ZNF385D: variants seen among roughly 807,000 people sequenced by gnomAD.
The protein encoded by ZNF385D is zinc finger protein 659.
ZNF385D carries 15 observed loss-of-function variants against 35.8 expected under a neutral mutation model. The observed-to-expected ratio is 0.42, with a 90% confidence interval of 0.28 to 0.64. The LOEUF (loss-of-function observed/expected upper bound fraction) is 0.64, where lower values mean the gene tolerates loss of function less well. Ranked by LOEUF, ZNF385D falls within the 30% of genes least tolerant of loss-of-function variation. The pLI, the probability that ZNF385D is intolerant of heterozygous loss-of-function variation, is 0.23. For missense variants in ZNF385D, 474 were observed against 494.6 expected (o/e 0.96, Z 0.39); for synonymous variants, 212 against 186.8 (o/e 1.13, Z -1.10).
chr3:22,129,883 A>G (rs1343930663), intron 3 of ZNF385D, among the ~76,000 whole-genome samples: 1 of 151,972 alleles, frequency 6.6e-6, no homozygotes, highest in African/African-American at 2.4e-5. Flanking sequence ...AAACAGAAGG[A>G]GTCTCTTCTT....
intron 3 of ZNF385D, among the ~76,000 whole-genome samples, chr3:22,006,725 G>A (rs1433583201): frequency 1.3e-5 from 2 of 151,346 alleles, no homozygotes; most frequent in Non-Finnish European, 3.0e-5. Flanking sequence ...TTTTTTTTGT[G>A]AAAACAATAA....
chr3:21,504,470 C>T lies in ZNF385D; in HGVS notation c.439+6391G>A, dbSNP rs186694574. On this transcript the variant is annotated intron_variant, in intron 4 of 7. Coordinates refer to ENST00000281523, the MANE Select transcript of ZNF385D (RefSeq NM_024697.3). ...GAACAGAAACACAAAACTGATTGTT[C>T]CAAGTTTTAAAACTCTTGACTTACT... Among the ~76,000 whole-genome samples, 91 of 152,228 alleles carry T rather than the reference C, an allele frequency of 6.0e-4. 1 individual carries two copies. The South Asian group carries it at 9.8e-3, about 16-fold the overall frequency.
At chr3:21,989,510 C>A (rs979853352) in intron 3 of ZNF385D, among the ~76,000 whole-genome samples, 1 of 152,070 alleles carries the variant, frequency 6.6e-6, no homozygotes, top group Non-Finnish European at 1.5e-5. Context: ...AATTATCATT[C>A]TCTCAAAAGG....
At chr3:22,199,445 C>G (rs774054931) in intron 2 of ZNF385D, among the ~76,000 whole-genome samples, 24 of 152,026 alleles carry the variant, frequency 1.6e-4, no homozygotes, top group Non-Finnish European at 2.9e-4. Context: ...TGCAAAACAA[C>G]AAGATGTTAG....
At chr3:21,537,056 T>C (rs1172980840) in intron 3 of ZNF385D, among the ~76,000 whole-genome samples, 1 of 151,754 alleles carries the variant, frequency 6.6e-6, no homozygotes, top group Non-Finnish European at 1.5e-5. Flanking sequence ...ATGAATAACA[T>C]TTTAATGTTA....
chr3:21,543,959 C>T (rs1397893606), intron 3 of ZNF385D, among the ~76,000 whole-genome samples: 1 of 152,100 alleles, frequency 6.6e-6, no homozygotes, highest in Non-Finnish European at 1.5e-5. Context: ...TTTCCTAGCC[C>T]TGTTTCTTAA....
chr3:22,174,285 C>T (rs1477899378), intron 2 of ZNF385D, among the ~76,000 whole-genome samples: 1 of 152,106 alleles, frequency 6.6e-6, no homozygotes, highest in Non-Finnish European at 1.5e-5. Context: ...TCTATGATTG[C>T]CTTTAGTCAC....
At chr3:21,816,690 C>CA (rs1310292150) in intron 3 of ZNF385D, among the ~76,000 whole-genome samples, 5 of 151,926 alleles carry the variant, frequency 3.3e-5, no homozygotes, top group Admixed American at 2.0e-4. Flanking sequence ...AAAGAGAACA[C>CA]AAAAAAATGG....
chr3:21,936,173 G>A (rs995052600), intron 3 of ZNF385D, among the ~76,000 whole-genome samples: 5 of 152,096 alleles, frequency 3.3e-5, no homozygotes, highest in South Asian at 2.1e-4. Context: ...TCAGCCCTGC[G>A]TAACTACAAG....
chr3:21,506,716 T>A (rs751786794), intron 4 of ZNF385D, among the ~76,000 whole-genome samples: 5 of 152,196 alleles, frequency 3.3e-5, no homozygotes, highest in Admixed American at 6.6e-5. Context: ...TAGTAACCAC[T>A]CTTATCAGCA....
chr3:21,933,518 G>C (rs1263304206), intron 3 of ZNF385D, among the ~76,000 whole-genome samples: 1 of 152,174 alleles, frequency 6.6e-6, no homozygotes, highest in Non-Finnish European at 1.5e-5. Flanking sequence ...AATTACCTGA[G>C]CATCTCAGGA....
intron 1 of ZNF385D, among the ~76,000 whole-genome samples, chr3:21,741,099 TGGCC>T (rs2069492990): frequency 6.6e-6 from 1 of 152,122 alleles, no homozygotes; most frequent in Admixed American, 6.6e-5. Flanking sequence ...CTGTGAGCAG[TGGCC>T]ACATCACCTG....
At chr3:21,927,195 C>T (rs1575935187) in intron 3 of ZNF385D, among the ~76,000 whole-genome samples, 1 of 152,106 alleles carries the variant, frequency 6.6e-6, no homozygotes, top group East Asian at 1.9e-4. Flanking sequence ...GATAGAAGCT[C>T]CCTGAAGTCC....
At chr3:22,197,749 A>T (rs1320215646) in intron 2 of ZNF385D, among the ~76,000 whole-genome samples, 1 of 152,110 alleles carries the variant, frequency 6.6e-6, no homozygotes, top group African/African-American at 2.4e-5. Context: ...AGATTCTGGG[A>T]CTCATGACCC....
chr3:22,191,229 G>A (rs369943884), intron 2 of ZNF385D, among the ~76,000 whole-genome samples: 40 of 152,046 alleles, frequency 2.6e-4, no homozygotes, highest in African/African-American at 8.2e-4. Context: ...GGTGGCTCAC[G>A]CCTATAATCC....
At chr3:22,096,733 G>T (rs1475201944) in intron 3 of ZNF385D, among the ~76,000 whole-genome samples, 1 of 152,008 alleles carries the variant, frequency 6.6e-6, no homozygotes. Flanking sequence ...GCTGTTCTAT[G>T]TGTCATGGCA....
At chr3:21,741,357 T>C (rs754010254) in intron 1 of ZNF385D, among the ~76,000 whole-genome samples, 1 of 152,234 alleles carries the variant, frequency 6.6e-6, no homozygotes, top group Non-Finnish European at 1.5e-5. Flanking sequence ...CCAATTTACC[T>C]TTTAACTGAT....
At chr3:21,816,800 C>T (rs1442301469) in intron 3 of ZNF385D, among the ~76,000 whole-genome samples, 1 of 152,164 alleles carries the variant, frequency 6.6e-6, no homozygotes, top group Non-Finnish European at 1.5e-5. Context: ...CATCAAGCTC[C>T]CAATGACTTT....
At chr3:22,185,617 G>C (rs548866628) in intron 2 of ZNF385D, among the ~76,000 whole-genome samples, 1 of 152,198 alleles carries the variant, frequency 6.6e-6, no homozygotes, top group South Asian at 2.1e-4. Flanking sequence ...ACAGGCACCT[G>C]CCACCACACC....
Sources: allele counts gnomAD v4.1 joint callset (sites outside exome capture counted in the v4.1 genomes callset), GRCh38; gene constraint gnomAD v4.1.1; transcripts MANE v1.5; gene names NCBI Gene and HGNC (gene_info 2026-07-23, HGNC 2026-07-21).